Variants in ERICH1 observed in about 807,000 individuals in gnomAD.
ERICH1 encodes the protein glutamate rich 1, also known as glutamate-rich protein 1.
ERICH1 carries 56 observed loss-of-function variants against 39.6 expected under a neutral mutation model. The ratio of observed to expected loss-of-function variants is 1.41; its 90% CI spans 1.14 to 1.77. ERICH1 has a LOEUF of 1.77. ERICH1 is among the 40% of genes most tolerant of loss of function. The probability of loss-of-function intolerance (pLI) is 0.00; values close to 1 mark genes in which losing one functional copy is unlikely to be tolerated. For synonymous variants in ERICH1, 313 were observed against 223.6 expected (o/e 1.40, Z -3.57); for missense variants, 826 against 575.4 (o/e 1.44, Z -4.45).
Position 673,912 on chromosome 8 carries a change from G to T in ERICH1, c.440C>A (p.Ser147Tyr). The change falls in exon 4 of 6, where the codon TCT becomes TAT. Residue 147 changes from serine (S) to tyrosine (Y), a missense_variant. Ser to Tyr is a moderately radical substitution (Grantham distance 144). Transcript: ENST00000262109. ...GGTGCCATCTGTGTGCTGTCGCTGAGATTTCTCCTGTAACAGACTCTGCTG... is the reference window on the plus strand; with the variant it reads ...GGTGCCATCTGTGTGCTGTCGCTGATATTTCTCCTGTAACAGACTCTGCTG... ...EKQQSLLQEK[S>Y]QRQHTDGTTI... 2 of 1,613,410 alleles carry T rather than the reference G, an allele frequency of 1.2e-6. No individual in the cohort carries two copies. Among genetic ancestry groups the T allele is most frequent in the Non-Finnish European group, 1.7e-6 (2 of 1,180,010 alleles).
At position 715,958 on chromosome 8, in the gene ERICH1, G is replaced by A. The variant is rs1190945943; in HGVS notation, c.72C>T (p.Gly24=). 2.5e-6 allele frequency: 4 copies of A among 1,613,838 alleles called. No individual in the cohort carries two copies. Among genetic ancestry groups the A allele is most frequent in the Non-Finnish European group, 2.5e-6 (3 of 1,179,886 alleles). ...LQRLFPPVPS[G]QGKREPQTLA... ...GCGTCTGGGGTTCCCTCTTTCCTTG[G>A]CCACTTGGAACAGGAGGAAAAAGTC... The change falls in exon 2 of 6, where the codon GGC becomes GGT. Residue 24 remains glycine, a synonymous_variant. Coordinates refer to ENST00000262109, the MANE Select transcript of ERICH1 (RefSeq NM_207332.3).
intron 3 of ERICH1, among the ~76,000 whole-genome samples, chr8:641,485 G>A (rs576114640): frequency 1.3e-4 from 20 of 152,320 alleles, no homozygotes; most frequent in Non-Finnish European, 2.9e-4. Flanking sequence ...ACCCTGGCTG[G>A]CTTTAATTAG....
At chr8:687,281 C>A (rs565999411) in intron 3 of ERICH1, among the ~76,000 whole-genome samples, 110 of 152,252 alleles carry the variant, frequency 7.2e-4, no homozygotes, top group African/African-American at 2.6e-3. Flanking sequence ...GATTAGGAAC[C>A]GGGGAAACAC....
intron 3 of ERICH1, among the ~76,000 whole-genome samples, chr8:690,490 G>C (rs1808654374): frequency 6.6e-6 from 1 of 152,242 alleles, no homozygotes; most frequent in Non-Finnish European, 1.5e-5. Context: ...GTTGGAACCG[G>C]GACCGGCAGA....
intron 1 of ERICH1, among the ~76,000 whole-genome samples, chr8:729,798 T>A (rs923029691): frequency 4.1e-5 from 6 of 145,894 alleles, no homozygotes; most frequent in African/African-American, 1.5e-4. Flanking sequence ...CACTTTAATT[T>A]GGTGAATGGA....
chr8:655,270 T>C (rs2131700766), intron 3 of ERICH1, among the ~76,000 whole-genome samples: 1 of 152,340 alleles, frequency 6.6e-6, no homozygotes, highest in African/African-American at 2.4e-5. Context: ...TCTAAAATTC[T>C]CTTTCACTCT....
At chr8:660,490 G>C (rs115298808), downstream of ERICH1, among the ~76,000 whole-genome samples, 6 of 152,300 alleles carry the variant, frequency 3.9e-5, no homozygotes, top group South Asian at 1.2e-3. Flanking sequence ...CGGAGCCTCT[G>C]TCCTGCGGCC....
chr8:658,420 T>G (rs980153542), intron 3 of ERICH1, among the ~76,000 whole-genome samples: 1 of 152,134 alleles, frequency 6.6e-6, no homozygotes, highest in Non-Finnish European at 1.5e-5. Context: ...TCCAGTCCAG[T>G]GTAAAGCAGG....
chr8:665,290 C>G (rs1802028336), intron 5 of ERICH1, among the ~76,000 whole-genome samples: 1 of 152,176 alleles, frequency 6.6e-6, no homozygotes, highest in African/African-American at 2.4e-5. Flanking sequence ...GCCCACTGGT[C>G]CCCGGCTCCA....
rs1330711516 is a variant in ERICH1, at chr8:692,622, A to AG, written c.170-11dup. 3 of 1,567,540 alleles carry AG rather than the reference A, an allele frequency of 1.9e-6. No individual in the cohort carries two copies. The highest frequency in any genetic ancestry group is 2.6e-6 in the Non-Finnish European group (3 of 1,155,880). ...GTCTCAGAGCCAGTGTCTGCAACAC[A>AG]GGAGGAAAATAACAGGAACTGGTAA... On this transcript the variant is annotated splice_polypyrimidine_tract_variant and intron_variant, in intron 2 of 5. Coordinates refer to ENST00000262109, the MANE Select transcript of ERICH1 (RefSeq NM_207332.3).
At chr8:678,244 A>G (rs923198328) in intron 3 of ERICH1, among the ~76,000 whole-genome samples, 3 of 152,048 alleles carry the variant, frequency 2.0e-5, no homozygotes, top group Non-Finnish European at 4.4e-5. Flanking sequence ...TTTCCTCCCA[A>G]TTTCTCTGAT....
intron 2 of ERICH1, among the ~76,000 whole-genome samples, chr8:695,085 G>A (rs1809833633): frequency 1.3e-5 from 2 of 151,254 alleles, no homozygotes; most frequent in African/African-American, 2.4e-5. Flanking sequence ...TTTCACCAGT[G>A]TCACCTCTTC....
At chr8:682,145 G>A (rs1010358493) in intron 3 of ERICH1, among the ~76,000 whole-genome samples, 1 of 152,052 alleles carries the variant, frequency 6.6e-6, no homozygotes, top group African/African-American at 2.4e-5. Context: ...TGCACCTAGG[G>A]TGATGTCCTG....
At chr8:722,153 T>G (rs1817472035) in intron 1 of ERICH1, among the ~76,000 whole-genome samples, 1 of 151,650 alleles carries the variant, frequency 6.6e-6, no homozygotes, top group Non-Finnish European at 1.5e-5. Context: ...AAGTTTTAAC[T>G]TGAAACTCTA....
chr8:710,058 G>A (rs772133915), intron 2 of ERICH1, among the ~76,000 whole-genome samples: 6 of 152,194 alleles, frequency 3.9e-5, no homozygotes, highest in Non-Finnish European at 7.3e-5. Context: ...GCATAACAGT[G>A]CACATGCTCC....
At chr8:615,244 T>C in exon 4 of ERICH1, 1 of 697,470 alleles carries the variant, frequency 1.4e-6, no homozygotes, top group Non-Finnish European at 2.6e-6. Context: ...CCTCTCTCTT[T>C]CCTCTTCTTA....
At chr8:618,306 G>A (rs1405314955) in intron 3 of ERICH1, among the ~76,000 whole-genome samples, 2 of 151,330 alleles carry the variant, frequency 1.3e-5, no homozygotes, top group Non-Finnish European at 2.9e-5. Flanking sequence ...CACCCTCTGA[G>A]TGCTCAGTAC....
At chr8:688,961 A>G (rs1290580956) in intron 3 of ERICH1, among the ~76,000 whole-genome samples, 2 of 152,232 alleles carry the variant, frequency 1.3e-5, no homozygotes, top group African/African-American at 4.8e-5. Context: ...ATTTTAAATG[A>G]CAGTTTTACA....
intron 3 of ERICH1, among the ~76,000 whole-genome samples, chr8:649,603 G>A (rs1450700608): frequency 6.6e-6 from 1 of 152,110 alleles, no homozygotes; most frequent in East Asian, 1.9e-4. Context: ...TCTCTCGGGG[G>A]AGGGGGATTG....
Sources: gnomAD v4.1 joint callset for allele counts (sites outside exome capture counted in the v4.1 genomes callset) on GRCh38, gnomAD v4.1.1 for gene constraint, MANE v1.5 for transcripts, NCBI Gene and HGNC (gene_info 2026-07-23, HGNC 2026-07-21) for gene names.